GLB1L3: variants seen among roughly 807,000 people sequenced by gnomAD.
The protein encoded by GLB1L3 is beta-galactosidase-1-like protein 3.
In GLB1L3, 89 loss-of-function variants were observed where a neutral mutation model predicts 89.5. That is an observed-to-expected ratio of 0.99 (90% CI 0.84 to 1.19). The LOEUF (loss-of-function observed/expected upper bound fraction) is 1.19, where lower values mean the gene tolerates loss of function less well. Among genes scored for constraint, GLB1L3 ranks in the 50% most tolerant of loss-of-function variants. GLB1L3 has a pLI of 0.00. For missense variants in GLB1L3, 812 were observed against 813.3 expected (o/e 1.00, Z 0.02); for synonymous variants, 314 against 312.3 (o/e 1.01, Z -0.06).
intron 5 of GLB1L3, 85 bp from the exon 6 acceptor site, chr11:134,283,652 C>T (rs910531549): frequency 2.4e-5 from 17 of 705,810 alleles, no homozygotes; most frequent in Admixed American, 4.8e-5. Context: ...GGCAGATGTG[C>T]GGCGAGCCGG....
intron 9 of GLB1L3, among the ~76,000 whole-genome samples, chr11:134,302,269 G>A (rs1182223363): frequency 2.0e-5 from 3 of 152,166 alleles, no homozygotes; most frequent in Admixed American, 2.0e-4. Flanking sequence ...TTACTTCTAA[G>A]CATTTTCAGA....
the GLB1L3 span, among the ~76,000 whole-genome samples, chr11:134,324,830 GCAATTCTAAAATGATAA>G: frequency 6.6e-6 from 1 of 151,786 alleles, no homozygotes; most frequent in East Asian, 1.9e-4. Flanking sequence ...TACTCATCAA[GCAATTCTAAAATGATAA>G]AAATTGTGAT....
rs374190281 is a variant in GLB1L3, at chr11:134,318,994, G to A, written c.*52G>A. On this transcript the variant is annotated 3_prime_UTR_variant, in exon 20 of 20. Transcript: ENST00000431683. ...TTTTGAGATGGAGTCTCACTTTGTC[G>A]CCCAGGCTGGAGTGCAGTGGCACAA... 3.8e-5 allele frequency: 52 copies of A among 1,365,958 alleles called. 1 individual carries two copies. In the African/African-American group the frequency reaches 4.0e-4, roughly 11 times the overall value. The allele number at this position is 1,365,958 out of a possible 1,614,324, so 84.6% of individuals were successfully genotyped here.
chr11:134,315,803 T>TGTTTATTCA (rs1031280383), intron 18 of GLB1L3, among the ~76,000 whole-genome samples: 1 of 152,212 alleles, frequency 6.6e-6, no homozygotes, highest in East Asian at 1.9e-4. Flanking sequence ...TTTATTATTT[T>TGTTTATTCA]GTTTATTCAA....
chr11:134,308,528 ACCAC>A (rs1942502875), intron 10 of GLB1L3, among the ~76,000 whole-genome samples: 3 of 75,352 alleles, frequency 4.0e-5, no homozygotes, highest in Non-Finnish European at 8.9e-5. Context: ...CATGTCCACC[ACCAC>A]TACCACCACC....
chr11:134,289,071 T>C, intron 7 of GLB1L3, 181 bp downstream of exon 7: 1 of 520,486 alleles, frequency 1.9e-6, no homozygotes. Flanking sequence ...GTATAACTTT[T>C]GACTCCCTCA....
rs771322169 is a variant in GLB1L3, at chr11:134,277,774, G to C, written c.224G>C (p.Arg75Pro). 4 of 1,613,824 alleles carry C rather than the reference G, an allele frequency of 2.5e-6. No individual in the cohort carries two copies. The East Asian group carries it at 8.9e-5, about 36-fold the overall frequency. Residue 75 changes from arginine to proline, a missense_variant, in exon 3 of 20, where the codon CGG becomes CCG. Coordinates refer to ENST00000431683, the MANE Select transcript of GLB1L3 (RefSeq NM_001080407.3). ...SVGLGTESTG[R>P]GKPHFTLEGH... Reference sequence around the variant, plus strand: ...GGACTTGGAACTGAAAGCACAGGTCGGGGTAAGCCCCACTTCACACTGGAG... The same window carrying C: ...GGACTTGGAACTGAAAGCACAGGTCCGGGTAAGCCCCACTTCACACTGGAG...
chr11:134,305,813 G>A (rs748985880), intron 9 of GLB1L3, among the ~76,000 whole-genome samples: 1 of 152,034 alleles, frequency 6.6e-6, no homozygotes, highest in Non-Finnish European at 1.5e-5. Context: ...GGGACAATCA[G>A]GGAACCAAAA....
intron 11 of GLB1L3, chr11:134,310,322 A>G: frequency 3.8e-6 from 2 of 527,000 alleles, no homozygotes; most frequent in Non-Finnish European, 3.4e-6. Context: ...TGGGTTGAAC[A>G]AGTTTGCATT....
Position 134,314,366 on chromosome 11 carries a change from C to T in GLB1L3, c.1704C>T (p.Ser568=). 4 of 1,551,198 alleles carry T rather than the reference C, an allele frequency of 2.6e-6. No homozygotes were observed. Among genetic ancestry groups the T allele is most frequent in the Non-Finnish European group, 3.5e-6 (4 of 1,146,814 alleles). ...CCACCTGGAAGCCTGTCCCAGACAGCCACCAGGGCCCGGCCTTCTACTGTG... is the reference window on the plus strand; with the variant it reads ...CCACCTGGAAGCCTGTCCCAGACAGTCACCAGGGCCCGGCCTTCTACTGTG... ...RSATWKPVPD[S]HQGPAFYCGT... is the part of the protein sequence containing the mutation. Residue 568 remains serine (S), a synonymous_variant, in exon 18 of 20, where the codon AGC becomes AGT. Transcript: ENST00000431683.
chr11:134,291,038 C>T (rs1370322346), intron 7 of GLB1L3, among the ~76,000 whole-genome samples: 1 of 152,086 alleles, frequency 6.6e-6, no homozygotes, highest in African/African-American at 2.4e-5. Context: ...AGTGCTTTCC[C>T]CCAATTTACT....
At chr11:134,293,230 A>G (rs781516503) in intron 9 of GLB1L3, 21 bp downstream of exon 9, 2 of 1,588,382 alleles carry the variant, frequency 1.3e-6, no homozygotes, top group Non-Finnish European at 1.7e-6. Context: ...TCAGACAGGC[A>G]GGGTTTTACA....
Position 134,312,507 on chromosome 11 carries a change from T to A in GLB1L3, c.1428+18T>A, listed in dbSNP as rs747695835. ...TGGCACAGGTAGGGCCAGCAGGCTG[T>A]CTGTGTGGGAAGCAAAGTGCATCAC... On this transcript the variant is annotated intron_variant, in intron 14 of 19. Transcript: ENST00000431683. 5 of 1,608,082 alleles carry A rather than the reference T, an allele frequency of 3.1e-6. No homozygotes were observed. Among genetic ancestry groups the A allele is most frequent in the Non-Finnish European group, 4.2e-6 (5 of 1,179,320 alleles).
In GLB1L3 at chr11:134,308,735, G is replaced by T. The variant is rs567879528; in HGVS notation, c.962-891G>T. 3.5e-4 allele frequency among the ~76,000 whole-genome samples: 53 copies of T among 151,564 alleles called. 1 individual carries two copies. In the South Asian group the frequency reaches 9.6e-3, roughly 28 times the overall value. ...TGGTCTCTTGTATGGCAGGCACTGT[G>T]CCTTTTTTCCACATATATTACCTCA... On this transcript the variant is annotated intron_variant, in intron 10 of 19. Coordinates refer to ENST00000431683, the MANE Select transcript of GLB1L3 (RefSeq NM_001080407.3).
At chr11:134,308,592 C>T (rs1437170920) in intron 10 of GLB1L3, among the ~76,000 whole-genome samples, 5 of 143,290 alleles carry the variant, frequency 3.5e-5, no homozygotes, top group South Asian at 4.5e-4. Context: ...ACCATCATCA[C>T]CATCACCTCC....
rs770092412 is a variant in GLB1L3 at position 134,309,391 on chromosome 11, C to G, written c.962-235C>G. The stretch of plus-strand genomic sequence containing the variant: ...TAAACAAAATGATGTACAGCATATC[C>G]TCATATAATACTGTTTTCTTCAACA... On this transcript the variant is annotated intron_variant, in intron 10 of 19. Coordinates refer to ENST00000431683, the MANE Select transcript of GLB1L3 (RefSeq NM_001080407.3). 1.8e-4 allele frequency among the ~76,000 whole-genome samples: 28 copies of G among 152,134 alleles called. 1 individual carries two copies. In the South Asian group the frequency reaches 2.5e-3, roughly 14 times the overall value.
At chr11:134,313,313 T>C (rs566245097) in intron 15 of GLB1L3, 83 bp from the exon 16 acceptor site, 4 of 994,194 alleles carry the variant, frequency 4.0e-6, no homozygotes, top group African/African-American at 3.2e-5. Flanking sequence ...TGTCTCTCCA[T>C]GTGGGACTCA....
At chr11:134,305,347 GT>G in intron 9 of GLB1L3, 1 of 483,262 alleles carries the variant, frequency 2.1e-6, no homozygotes, top group East Asian at 3.2e-5. Context: ...AATTTGTGCT[GT>G]TAGTCTTTCC....
intron 15 of GLB1L3, 40 bp downstream of exon 15, chr11:134,312,927 C>T: frequency 3.7e-6 from 5 of 1,344,994 alleles, no homozygotes; most frequent in Non-Finnish European, 4.2e-6. Flanking sequence ...CTCGACCCCC[C>T]TCAAATGCAG....
Sources: gnomAD v4.1 joint callset for allele counts (sites outside exome capture counted in the v4.1 genomes callset) on GRCh38, gnomAD v4.1.1 for gene constraint, MANE v1.5 for transcripts, NCBI Gene and HGNC (gene_info 2026-07-23, HGNC 2026-07-21) for gene names.